The following C1D variants were observed in gnomAD, a reference collection of about 807,000 sequenced individuals.
The protein encoded by C1D is C1D nuclear receptor corepressor.
C1D carries 10 observed loss-of-function variants against 17.5 expected under a neutral mutation model. The ratio of observed to expected loss-of-function variants is 0.57; its 90% CI spans 0.35 to 0.97. The LOEUF (loss-of-function observed/expected upper bound fraction) is 0.97, where lower values mean the gene tolerates loss of function less well. C1D is among the 50% of genes least tolerant of loss of function. The probability of loss-of-function intolerance (pLI) is 0.01; values close to 1 mark genes in which losing one functional copy is unlikely to be tolerated. For synonymous variants in C1D, 49 were observed against 54.0 expected (o/e 0.91, Z 0.40); for missense variants, 136 against 160.1 (o/e 0.85, Z 0.81).
chr2:68,050,619 T>A (rs1671253104), intron 1 of C1D, among the ~76,000 whole-genome samples: 1 of 152,176 alleles, frequency 6.6e-6, no homozygotes, highest in African/African-American at 2.4e-5. Context: ...CTTCGATGCA[T>A]CCTTCTCACA....
At chr2:68,044,368 C>T (rs894904906) in intron 4 of C1D, among the ~76,000 whole-genome samples, 2 of 152,152 alleles carry the variant, frequency 1.3e-5, no homozygotes, top group African/African-American at 2.4e-5. Context: ...GTGATACATA[C>T]GGCAAATAAG....
chr2:68,054,046 G>T (rs1323803525), intron 1 of C1D, among the ~76,000 whole-genome samples: 1 of 152,084 alleles, frequency 6.6e-6, no homozygotes, highest in African/African-American at 2.4e-5. Flanking sequence ...CATGCTCCTT[G>T]AGGGGCTGTG....
intron 1 of C1D, among the ~76,000 whole-genome samples, chr2:68,053,523 TGAGTA>T (rs1671346705): frequency 6.6e-6 from 1 of 152,206 alleles, no homozygotes; most frequent in African/African-American, 2.4e-5. Context: ...CAACAGCCTT[TGAGTA>T]GTGTCCCTAT....
At chr2:68,057,654 CATATT>C (rs1217996763) in intron 1 of C1D, among the ~76,000 whole-genome samples, 1 of 152,084 alleles carries the variant, frequency 6.6e-6, no homozygotes, top group Non-Finnish European at 1.5e-5. Context: ...AAATATGTAA[CATATT>C]ATAATAATAC....
intron 1 of C1D, among the ~76,000 whole-genome samples, chr2:68,048,777 G>A (rs1044218988): frequency 2.0e-5 from 3 of 152,062 alleles, no homozygotes; most frequent in Admixed American, 6.6e-5. Context: ...TGCACTTGCC[G>A]CTCATCCCTC....
chr2:68,059,478 C>A (rs543054124), intron 1 of C1D, among the ~76,000 whole-genome samples: 1 of 152,298 alleles, frequency 6.6e-6, no homozygotes, highest in East Asian at 1.9e-4. Flanking sequence ...ACCTCCCAAA[C>A]AAAAGTGGTC....
chr2:68,053,240 G>T, intron 1 of C1D: 3 of 1,534,314 alleles, frequency 2.0e-6, no homozygotes, highest in Non-Finnish European at 2.6e-6. Context: ...CGGGGATGCT[G>T]CCCAGTAACC....
At chr2:68,056,541 G>T (rs1671443717) in intron 1 of C1D, among the ~76,000 whole-genome samples, 1 of 151,842 alleles carries the variant, frequency 6.6e-6, no homozygotes, top group Non-Finnish European at 1.5e-5. Flanking sequence ...GCAACACAAA[G>T]ATTTTTTTAA....
At chr2:68,058,934 T>C (rs990717748) in intron 1 of C1D, among the ~76,000 whole-genome samples, 7 of 152,156 alleles carry the variant, frequency 4.6e-5, no homozygotes, top group African/African-American at 1.7e-4. Flanking sequence ...GATGTGACCA[T>C]GAAGGAAGGG....
At chr2:68,062,630 ATT>A (rs1671668465) in intron 1 of C1D, among the ~76,000 whole-genome samples, 1 of 152,130 alleles carries the variant, frequency 6.6e-6, no homozygotes, top group South Asian at 2.1e-4. Context: ...ATGTTTTTTG[ATT>A]TTTGTTTTTA....
At chr2:68,047,111 T>C in intron 2 of C1D, 62 bp downstream of exon 2, 1 of 1,453,670 alleles carries the variant, frequency 6.9e-7, no homozygotes, top group Non-Finnish European at 9.4e-7. Flanking sequence ...CTTCCACATG[T>C]TTCATAAAAT....
At chr2:68,052,377 T>C (rs1007260172) in intron 1 of C1D, among the ~76,000 whole-genome samples, 2 of 151,984 alleles carry the variant, frequency 1.3e-5, no homozygotes, top group African/African-American at 4.8e-5. Context: ...CATATTAAAT[T>C]TTTAATAAAA....
At position 68,046,392 on chromosome 2, in the gene C1D, CT is replaced by C. The variant is rs755162995; in HGVS notation, c.156del (p.Ala53GlnfsTer11). On this transcript the variant is annotated frameshift_variant, in exon 3 of 5. Transcript: ENST00000410067. LOFTEE classifies it high-confidence loss of function. ...ELLQKLDPLE[Q>X]AKVDLVSAYT... is the part of the protein sequence containing the mutation. ...TATGCAGAAACCAAATCCACTTTTG[CT>C]TGTTCAAGTGGATCCAACTGTTAAA... The C allele has an allele frequency of 6.2e-6, 10 of 1,611,428 alleles. No homozygotes were observed. The East Asian group carries it at 2.0e-4, about 32-fold the overall frequency.
intron 1 of C1D, among the ~76,000 whole-genome samples, chr2:68,062,297 G>A (rs983928950): frequency 2.6e-5 from 4 of 152,188 alleles, no homozygotes; most frequent in African/African-American, 9.6e-5. Flanking sequence ...ATCTCATTGC[G>A]ACAAATACAT....
intron 1 of C1D, among the ~76,000 whole-genome samples, chr2:68,054,168 T>C (rs376812523): frequency 6.6e-6 from 1 of 152,154 alleles, no homozygotes; most frequent in Non-Finnish European, 1.5e-5. Context: ...TCAACTCAGC[T>C]CCTTTCTTTC....
At chr2:68,056,787 G>A (rs866518221) in intron 1 of C1D, among the ~76,000 whole-genome samples, 1 of 152,186 alleles carries the variant, frequency 6.6e-6, no homozygotes, top group Non-Finnish European at 1.5e-5. Flanking sequence ...AAGGTGAGCT[G>A]AGAACAGCCT....
Position 68,061,287 on chromosome 2 carries a change from A to G in C1D, c.-10+1671T>C, listed in dbSNP as rs1671622285. On this transcript the variant is annotated intron_variant, in intron 1 of 4. Transcript: ENST00000410067. ...GCTGTCTTGGGCAAACAGTGACTCC[A>G]TGTTAGTGTTGTCTGTAACTCTCCT... Among the ~76,000 whole-genome samples, 3 of 152,230 alleles carry G rather than the reference A, an allele frequency of 2.0e-5. No individual in the cohort carries two copies. In the South Asian group the frequency reaches 6.2e-4, roughly 31 times the overall value.
chr2:68,045,070 C>A (rs1007009078), intron 4 of C1D, among the ~76,000 whole-genome samples: 3 of 151,788 alleles, frequency 2.0e-5, no homozygotes, highest in Non-Finnish European at 2.9e-5. Context: ...AATTTATTTT[C>A]CCCCCCAAGA....
At chr2:68,057,871 A>G (rs1045248058) in intron 1 of C1D, among the ~76,000 whole-genome samples, 1 of 152,096 alleles carries the variant, frequency 6.6e-6, no homozygotes, top group Non-Finnish European at 1.5e-5. Context: ...ATTTTCCTCT[A>G]TTCTCATGGT....
Sources: gnomAD v4.1 joint callset for allele counts (sites outside exome capture counted in the v4.1 genomes callset) on GRCh38, gnomAD v4.1.1 for gene constraint, MANE v1.5 for transcripts, NCBI Gene and HGNC (gene_info 2026-07-23, HGNC 2026-07-21) for gene names.